Variants in SGMS1 observed in about 807,000 individuals in gnomAD.
The protein encoded by SGMS1 is sphingomyelin synthase 1.
A neutral mutation model predicts 46.2 loss-of-function variants in SGMS1; 13 were observed. That is an observed-to-expected ratio of 0.28 (90% CI 0.18 to 0.45). The LOEUF (loss-of-function observed/expected upper bound fraction) is 0.45, where lower values mean the gene tolerates loss of function less well. Ranked by LOEUF, SGMS1 falls within the 20% of genes least tolerant of loss-of-function variation. SGMS1 has a pLI of 1.00. For synonymous variants in SGMS1, 203 were observed against 187.8 expected (o/e 1.08, Z -0.66); for missense variants, 324 against 519.9 (o/e 0.62, Z 3.66).
rs1475784780 is a variant in SGMS1 at position 50,533,070 on chromosome 10, A to G, written c.-588-13149T>C. On this transcript the variant is annotated intron_variant, in intron 2 of 10. Coordinates refer to ENST00000361781, the MANE Select transcript of SGMS1 (RefSeq NM_147156.4). ...AAAGGATGAGATATTGATCTTCATG[A>G]AAAAAAATGCTGAGCTAATGTAGAG... 2.0e-5 allele frequency among the ~76,000 whole-genome samples: 3 copies of G among 152,178 alleles called. No individual in the cohort carries two copies. The East Asian group carries it at 5.8e-4, about 29-fold the overall frequency.
intron 6 of SGMS1, among the ~76,000 whole-genome samples, chr10:50,401,672 A>T (rs1024149489): frequency 6.6e-6 from 1 of 152,250 alleles, no homozygotes; most frequent in Non-Finnish European, 1.5e-5. Context: ...CTTAAGGGAT[A>T]CATGTTTTAC....
At chr10:50,354,240 G>C (rs1848090478) in intron 6 of SGMS1, among the ~76,000 whole-genome samples, 2 of 152,066 alleles carry the variant, frequency 1.3e-5, no homozygotes, top group African/African-American at 4.8e-5. Context: ...TACCAAAACA[G>C]AGATATAGAC....
Position 50,343,830 on chromosome 10 carries a change from G to A in SGMS1, c.285C>T (p.Asp95=), listed in dbSNP as rs1360811843. 8.7e-6 allele frequency: 14 copies of A among 1,614,024 alleles called. No individual in the cohort carries two copies. Among genetic ancestry groups the A allele is most frequent in the South Asian group, 3.3e-5 (3 of 91,082 alleles). Residue 95 remains aspartate, a synonymous_variant, in exon 7 of 11, where the codon GAC becomes GAT. Coordinates refer to ENST00000361781, the MANE Select transcript of SGMS1 (RefSeq NM_147156.4). The part of the protein sequence containing the change: ...LNIGVDIPTP[D]GSFSIKIKPN... ...GTTTAATCTTGATGCTGAAGCTGCC[G>A]TCGGGGGTGGGGATGTCTACGCCAA... is the stretch of plus-strand genomic sequence containing the variant.
chr10:50,383,123 A>C (rs1848631797), intron 6 of SGMS1, among the ~76,000 whole-genome samples: 1 of 152,090 alleles, frequency 6.6e-6, no homozygotes. Flanking sequence ...ATCTCGGCAA[A>C]AATTTTGGGT....
intron 6 of SGMS1, among the ~76,000 whole-genome samples, chr10:50,404,094 AG>A (rs1265703510): frequency 6.6e-6 from 1 of 152,142 alleles, no homozygotes; most frequent in Non-Finnish European, 1.5e-5. Context: ...AGAAGACACA[AG>A]GGCAAAAGGA....
At chr10:50,550,568 C>T (rs1422726998) in intron 2 of SGMS1, among the ~76,000 whole-genome samples, 1 of 152,178 alleles carries the variant, frequency 6.6e-6, no homozygotes, top group African/African-American at 2.4e-5. Flanking sequence ...CAGCCAGACT[C>T]CTATACTATC....
At chr10:50,432,284 T>C (rs1415328982) in intron 6 of SGMS1, among the ~76,000 whole-genome samples, 3 of 145,874 alleles carry the variant, frequency 2.1e-5, no homozygotes, top group Non-Finnish European at 4.7e-5. Flanking sequence ...TAAATCATAC[T>C]AAAAACAAAG....
chr10:50,540,326 C>T (rs1588870446), intron 2 of SGMS1, among the ~76,000 whole-genome samples: 1 of 152,126 alleles, frequency 6.6e-6, no homozygotes, highest in East Asian at 1.9e-4. Flanking sequence ...ACTGGCTCGT[C>T]TGGCAGGTAA....
chr10:50,542,411 A>T (rs1838061108), intron 2 of SGMS1, among the ~76,000 whole-genome samples: 2 of 152,142 alleles, frequency 1.3e-5, no homozygotes, highest in Admixed American at 1.3e-4. Context: ...TTAAGAACAG[A>T]TTATGAGATA....
intron 8 of SGMS1, among the ~76,000 whole-genome samples, chr10:50,311,814 T>G (rs1441245946): frequency 2.0e-5 from 3 of 152,246 alleles, no homozygotes; most frequent in Admixed American, 6.5e-5. Context: ...TGTATTTTTA[T>G]CATGGTTGGC....
intron 5 of SGMS1, among the ~76,000 whole-genome samples, chr10:50,456,646 C>G (rs903506168): frequency 1.3e-5 from 2 of 152,168 alleles, no homozygotes; most frequent in African/African-American, 4.8e-5. Flanking sequence ...CAACCTCATT[C>G]ATGACACCTG....
chr10:50,450,811 T>G (rs549779672), intron 5 of SGMS1, among the ~76,000 whole-genome samples: 129 of 152,116 alleles, frequency 8.5e-4, no homozygotes, highest in African/African-American at 2.9e-3. Flanking sequence ...AATTATTAGT[T>G]TGATAAACTT....
chr10:50,607,901 A>T (rs1351636601), intron 1 of SGMS1, among the ~76,000 whole-genome samples: 2 of 152,226 alleles, frequency 1.3e-5, no homozygotes. Context: ...CAGCAAAAAT[A>T]ATAATATAAA....
intron 6 of SGMS1, among the ~76,000 whole-genome samples, chr10:50,401,872 C>A (rs769348572): frequency 2.0e-5 from 3 of 152,168 alleles, no homozygotes; most frequent in Admixed American, 1.3e-4. Flanking sequence ...TATGCTCCTG[C>A]ACAAAATGTC....
intron 7 of SGMS1, among the ~76,000 whole-genome samples, chr10:50,328,526 C>CA (rs1847565712): frequency 6.6e-6 from 1 of 152,160 alleles, no homozygotes. Flanking sequence ...AAAGATATGT[C>CA]ACTTGTGTGA....
chr10:50,391,807 G>A (rs566204036), intron 6 of SGMS1, among the ~76,000 whole-genome samples: 7 of 145,864 alleles, frequency 4.8e-5, no homozygotes, highest in Admixed American at 4.2e-4. Context: ...AAAATGTGGT[G>A]TATATATATG....
intron 2 of SGMS1, among the ~76,000 whole-genome samples, chr10:50,520,136 T>A (rs1261626578): frequency 6.6e-6 from 1 of 152,116 alleles, no homozygotes; most frequent in African/African-American, 2.4e-5. Flanking sequence ...ACACCTGTAA[T>A]CTCAGCACTT....
intron 8 of SGMS1, among the ~76,000 whole-genome samples, chr10:50,320,915 G>A (rs186609748): frequency 2.0e-5 from 3 of 152,204 alleles, no homozygotes; most frequent in Non-Finnish European, 2.9e-5. Flanking sequence ...GGGAGTCAGA[G>A]GGGGATCTGG....
chr10:50,444,405 A>T (rs779829478), intron 5 of SGMS1, among the ~76,000 whole-genome samples: 7 of 152,242 alleles, frequency 4.6e-5, no homozygotes, highest in Non-Finnish European at 1.0e-4. Flanking sequence ...ATAAGGACAG[A>T]TGAATAGAAC....
Sources: gnomAD v4.1 joint callset for allele counts (sites outside exome capture counted in the v4.1 genomes callset) on GRCh38, gnomAD v4.1.1 for gene constraint, MANE v1.5 for transcripts, NCBI Gene and HGNC (gene_info 2026-07-23, HGNC 2026-07-21) for gene names.